ECT2L: variants seen among roughly 807,000 people sequenced by gnomAD.
The protein encoded by ECT2L is epithelial cell transforming 2 like.
In ECT2L, 126 loss-of-function variants were observed where a neutral mutation model predicts 122.8. The observed-to-expected ratio is 1.03, with a 90% CI of 0.89 to 1.19. The LOEUF (loss-of-function observed/expected upper bound fraction) is 1.19, where lower values mean the gene tolerates loss of function less well. Ranked by LOEUF, ECT2L falls within the 50% of genes most tolerant of loss-of-function variation. The probability of loss-of-function intolerance (pLI) is 0.00; values close to 1 mark genes in which losing one functional copy is unlikely to be tolerated. For missense variants in ECT2L, 1,012 were observed against 1,064.1 expected (o/e 0.95, Z 0.68); for synonymous variants, 385 against 381.8 (o/e 1.01, Z -0.10).
intron 19 of ECT2L, among the ~76,000 whole-genome samples, chr6:138,888,312 CTTTT>C (rs1170519428): frequency 3.3e-5 from 4 of 120,728 alleles, no homozygotes; most frequent in Admixed American, 1.5e-4. Flanking sequence ...ACTTCTTTTT[CTTTT>C]CTTTTTTTTT....
intron 10 of ECT2L, among the ~76,000 whole-genome samples, chr6:138,857,202 T>C (rs1777640912): frequency 6.6e-6 from 1 of 152,186 alleles, no homozygotes; most frequent in South Asian, 2.1e-4. Flanking sequence ...CAGAAACACC[T>C]GTAGTATCTC....
At chr6:138,819,450 C>T (rs1001832979) in intron 4 of ECT2L, among the ~76,000 whole-genome samples, 2 of 152,046 alleles carry the variant, frequency 1.3e-5, no homozygotes, top group African/African-American at 2.4e-5. Context: ...CTTGACACCA[C>T]CTGACACTAT....
chr6:138,877,806 A>G (rs1019679867), intron 14 of ECT2L, among the ~76,000 whole-genome samples: 2 of 151,958 alleles, frequency 1.3e-5, no homozygotes, highest in African/African-American at 4.8e-5. Context: ...TGTGGTGGCT[A>G]CTCTGGTGGC....
At chr6:138,854,981 T>TG (rs569821504) in intron 10 of ECT2L, among the ~76,000 whole-genome samples, 7 of 152,170 alleles carry the variant, frequency 4.6e-5, no homozygotes, top group Admixed American at 6.5e-5. Flanking sequence ...ACTGTTTTTT[T>TG]TTGTTGTTGT....
At chr6:138,895,111 G>T (rs57884783) in intron 20 of ECT2L, among the ~76,000 whole-genome samples, 10,666 of 151,920 alleles carry the variant, frequency 0.07, 702 homozygotes, top group East Asian at 0.21. Context: ...AAAAAAAAAC[G>T]TTTTGAAATT....
rs568108627 is a variant in ECT2L, at chr6:138,836,717, T to G, written c.180-1635T>G. ...TCCTTCTCCCCTATTTATTTATTCA[T>G]TCATGGGTATATTTATATCAGTATG... is the stretch of plus-strand genomic sequence containing the variant. On this transcript the variant is annotated intron_variant, in intron 4 of 21. Transcript: ENST00000541398. Among the ~76,000 whole-genome samples the G allele has an allele frequency of 2.6e-5, 4 of 152,174 alleles. No homozygotes were observed. The South Asian group carries it at 8.3e-4, about 32-fold the overall frequency.
rs562137260 is a variant in ECT2L, at chr6:138,844,821, A to T, written c.764+241A>T. ...TTTTTTTTTTTTTTTTTTGATATGA[A>T]GTCTTGCCACATTGCGCAGGCTGGT... On this transcript the variant is annotated intron_variant, in intron 7 of 21. Coordinates refer to ENST00000541398, the MANE Select transcript of ECT2L (RefSeq NM_001077706.3). Among the ~76,000 whole-genome samples the T allele has an allele frequency of 3.5e-5, 5 of 144,102 alleles. No homozygotes were observed. In the East Asian group the frequency reaches 9.9e-4, roughly 29 times the overall value. 94.5% of individuals were successfully genotyped at this position (144,102 alleles called of 152,430 possible).
At chr6:138,798,130 C>T (rs1775406286) in intron 1 of ECT2L, among the ~76,000 whole-genome samples, 1 of 152,152 alleles carries the variant, frequency 6.6e-6, no homozygotes, top group African/African-American at 2.4e-5. Context: ...CCTTCTCAGC[C>T]CCTCCACATG....
chr6:138,838,634 C>T (rs566256155), intron 5 of ECT2L, 120 bp downstream of exon 5: 1 of 981,888 alleles, frequency 1.0e-6, no homozygotes, highest in South Asian at 2.4e-5. Context: ...CCATCATTAA[C>T]TTACCCTTGA....
Position 138,876,452 on chromosome 6 carries a change from A to G in ECT2L, c.1579-20A>G. 1 of 1,579,814 alleles carries G rather than the reference A, an allele frequency of 6.3e-7. No homozygotes were observed. The highest frequency in any genetic ancestry group is 8.7e-7 in the Non-Finnish European group (1 of 1,149,770). ...TGTCAAGACCTGCCTCCAATAACCA[A>G]GTTTCCATTCAATCTTCAGGAAAGA... On this transcript the variant is annotated intron_variant, in intron 13 of 21. Coordinates refer to ENST00000541398, the MANE Select transcript of ECT2L (RefSeq NM_001077706.3).
chr6:138,842,728 T>C (rs1451952685), intron 5 of ECT2L, among the ~76,000 whole-genome samples: 5 of 147,536 alleles, frequency 3.4e-5, no homozygotes, highest in South Asian at 2.2e-4. Context: ...GCCGAGCTCG[T>C]GCCACTGCAC....
At position 138,885,809 on chromosome 6, in the gene ECT2L, A is replaced by C. The variant is rs1778802888; in HGVS notation, c.2238A>C (p.Lys746Asn). The C allele has an allele frequency of 6.2e-7, 1 of 1,614,038 alleles. No homozygotes were observed. Among genetic ancestry groups the C allele is most frequent in the South Asian group, 1.1e-5 (1 of 91,078 alleles). The change falls in exon 18 of 22, where the codon AAA becomes AAC. Residue 746 changes from lysine (K) to asparagine (N), a missense_variant. By Grantham distance (94) the Lys-to-Asn change is moderately conservative. Coordinates refer to ENST00000541398, the MANE Select transcript of ECT2L (RefSeq NM_001077706.3). ...CCACTGCAATTGACCAAATCAAAAA[A>C]TATAAAGGTTATATAGATCAGGTTG... Reference protein sequence around the residue: ...DLTTAIDQIKKYKGYIDQMKQ... With the variant: ...DLTTAIDQIKNYKGYIDQMKQ...
chr6:138,846,625 A>G lies in ECT2L; in HGVS notation c.851A>G (p.Tyr284Cys), dbSNP rs1308405394. 6.2e-7 allele frequency: 1 copy of G among 1,611,162 alleles called. No individual in the cohort carries two copies. Among genetic ancestry groups the G allele is most frequent in the East Asian group, 2.2e-5 (1 of 44,802 alleles). ...CATAAAAATGATGACAGATCTTCAT[A>G]TGCTCTCCGGCCACACTTCATGTTA... ...GVHKNDDRSS[Y>C]ALRPHFMLIS... is the part of the protein sequence containing the mutation. Residue 284 changes from tyrosine (Y) to cysteine (C), a missense_variant, in exon 8 of 22, where the codon TAT becomes TGT. Transcript: ENST00000541398.
At chr6:138,888,604 G>A (rs1302826150) in intron 19 of ECT2L, among the ~76,000 whole-genome samples, 3 of 152,012 alleles carry the variant, frequency 2.0e-5, no homozygotes, top group East Asian at 1.9e-4. Context: ...ATGAGCCACC[G>A]CGCCCAGCCT....
chr6:138,848,833 T>C (rs1249222275), intron 8 of ECT2L, among the ~76,000 whole-genome samples: 1 of 152,232 alleles, frequency 6.6e-6, no homozygotes, highest in Non-Finnish European at 1.5e-5. Context: ...TTTGTATTTT[T>C]TGTAGAGACA....
chr6:138,887,229 AT>A lies in ECT2L; in HGVS notation c.2325+322del, dbSNP rs772909250. 1.7e-3 allele frequency among the ~76,000 whole-genome samples: 158 copies of A among 94,176 alleles called. 2 individuals are homozygous for A. Among genetic ancestry groups the A allele is most frequent in the Non-Finnish European group, 1.8e-3 (67 of 36,394 alleles). 61.8% of individuals were successfully genotyped at this position (94,176 alleles called of 152,430 possible). ...TGTTCTACTTGTTTTCTTTTCTTTA[AT>A]TTTTTTTTTTTTTTGAGACCGAGTC... On this transcript the variant is annotated intron_variant, in intron 19 of 21. Coordinates refer to ENST00000541398, the MANE Select transcript of ECT2L (RefSeq NM_001077706.3).
chr6:138,843,371 T>C (rs1777111530), intron 6 of ECT2L, 140 bp downstream of exon 6: 1 of 813,216 alleles, frequency 1.2e-6, no homozygotes, highest in Non-Finnish European at 1.8e-6. Context: ...GATGAGCTTT[T>C]TTCCGTACTG....
intron 1 of ECT2L, among the ~76,000 whole-genome samples, chr6:138,798,442 A>G (rs545046517): frequency 6.6e-6 from 1 of 152,328 alleles, no homozygotes; most frequent in Non-Finnish European, 1.5e-5. Flanking sequence ...TGTGTCAGGA[A>G]CTGGGGTCAA....
intron 4 of ECT2L, among the ~76,000 whole-genome samples, chr6:138,834,690 C>T (rs1358659415): frequency 6.6e-6 from 1 of 152,130 alleles, no homozygotes; most frequent in Non-Finnish European, 1.5e-5. Flanking sequence ...AAGTCTAACT[C>T]AGGCAATGAG....
Sources: gnomAD v4.1 joint callset for allele counts (sites outside exome capture counted in the v4.1 genomes callset) on GRCh38, gnomAD v4.1.1 for gene constraint, MANE v1.5 for transcripts, NCBI Gene and HGNC (gene_info 2026-07-23, HGNC 2026-07-21) for gene names.